PCDH7: variants seen among roughly 807,000 people sequenced by gnomAD.
PCDH7 encodes the protein protocadherin 7, also known as protocadherin-7.
PCDH7 carries 17 observed loss-of-function variants against 58.9 expected under a neutral mutation model. The observed-to-expected ratio is 0.29, with a 90% CI of 0.20 to 0.43. The LOEUF (loss-of-function observed/expected upper bound fraction) is 0.43, where lower values mean the gene tolerates loss of function less well. Ranked by LOEUF, PCDH7 falls within the 20% of genes least tolerant of loss-of-function variation. PCDH7 has a pLI of 1.00. For missense variants in PCDH7, 1,274 were observed against 1,441.0 expected, an observed-to-expected ratio of 0.88 and a Z score of 1.88; for synonymous variants, 664 against 616.4, an observed-to-expected ratio of 1.08 and a Z score of -1.14.
rs558968244 is a variant in PCDH7 at position 31,082,944 on chromosome 4, TA to T, written c.*8-59524del. Among the ~76,000 whole-genome samples the T allele has an allele frequency of 3.2e-3, 491 of 152,110 alleles. 2 individuals are homozygous for T. The highest frequency in any genetic ancestry group is 4.3e-3 in the Non-Finnish European group (289 of 67,976). ...TAACATGGTGAAACCCCGTCTCTAC[TA>T]AAAATACAAAAAATTAGCTGGGTGT... On this transcript the variant is annotated intron_variant, in intron 3 of 3. Coordinates refer to the PCDH7 transcript ENST00000509759.
intron 1 of PCDH7, among the ~76,000 whole-genome samples, chr4:30,899,307 A>C (rs757834090): frequency 6.6e-6 from 1 of 152,184 alleles, no homozygotes; most frequent in Non-Finnish European, 1.5e-5. Context: ...GCTGTATTCC[A>C]GGTTTTGAAG....
chr4:30,799,058 G>A (rs1332620979), intron 1 of PCDH7, among the ~76,000 whole-genome samples: 1 of 152,188 alleles, frequency 6.6e-6, no homozygotes, highest in Admixed American at 6.5e-5. Flanking sequence ...TTCTGTGACA[G>A]TGAAATTTTA....
intron 1 of PCDH7, among the ~76,000 whole-genome samples, chr4:30,805,972 A>G (rs768141150): frequency 2.0e-5 from 3 of 152,226 alleles, no homozygotes; most frequent in Non-Finnish European, 4.4e-5. Flanking sequence ...TTCAGATTTT[A>G]GAATATTGCA....
intron 3 of PCDH7, among the ~76,000 whole-genome samples, chr4:31,097,375 A>T (rs1485423741): frequency 6.6e-6 from 1 of 151,078 alleles, no homozygotes. Flanking sequence ...AATCTCTTGA[A>T]CCTGGAAGGT....
At chr4:30,865,009 C>T (rs943034579) in intron 1 of PCDH7, among the ~76,000 whole-genome samples, 1 of 151,960 alleles carries the variant, frequency 6.6e-6, no homozygotes, top group African/African-American at 2.4e-5. Context: ...TTTTAGAACA[C>T]TTGATTAAGA....
At position 30,723,674 on chromosome 4, in the gene PCDH7, C is replaced by A; in HGVS notation, c.2252C>A (p.Thr751Asn). The A allele has an allele frequency of 6.2e-7, 1 of 1,614,184 alleles. No homozygotes were observed. The highest frequency in any genetic ancestry group is 8.5e-7 in the Non-Finnish European group (1 of 1,180,038). ...ACCCTTCCCAAAAACATTTCCTACACTTTACTGCCACCTTCGAGTAATGTC... is the reference window on the plus strand; with the variant it reads ...ACCCTTCCCAAAAACATTTCCTACAATTTACTGCCACCTTCGAGTAATGTC... Residue 751 changes from threonine to asparagine, a missense_variant, in exon 1 of 2, where the codon ACT (threonine) becomes AAT (asparagine). By Grantham distance (65) the Thr-to-Asn change is moderately conservative (BLOSUM62 0). Transcript: ENST00000361762. The surrounding 1 kb of genome is among the most constrained non-coding windows in gnomAD (Gnocchi z 4.6).
At position 31,137,699 on chromosome 4, in the gene PCDH7, T is replaced by C. The variant is rs575436992; in HGVS notation, c.*8-4774T>C. On this transcript the variant is annotated intron_variant, in intron 3 of 3. Transcript: ENST00000509759. ...CCAGAGCTTGATGTTAATGAACAAA[T>C]TGGAGGAATGGTGTGGGCATCTGGG... is the stretch of plus-strand genomic sequence containing the variant. Among the ~76,000 whole-genome samples the C allele has an allele frequency of 4.6e-5, 7 of 152,280 alleles. No homozygotes were observed. The South Asian group carries it at 1.5e-3, about 32-fold the overall frequency.
intron 1 of PCDH7, among the ~76,000 whole-genome samples, chr4:30,911,231 C>T (rs181199278): frequency 2.6e-5 from 4 of 151,582 alleles, no homozygotes; most frequent in South Asian, 4.2e-4. Flanking sequence ...ATGGGTGCAG[C>T]GAACCACCAG....
chr4:30,857,113 A>G (rs543577299), intron 1 of PCDH7, among the ~76,000 whole-genome samples: 104 of 152,170 alleles, frequency 6.8e-4, no homozygotes, highest in African/African-American at 2.5e-3. Flanking sequence ...CACTGTCAAA[A>G]CACAACTTCT....
In PCDH7 at chr4:30,920,218, G is replaced by GAC; in HGVS notation, c.137_138insCA (p.Ser47ThrfsTer76). The GAC allele has an allele frequency of 7.3e-7, 1 of 1,367,782 alleles. No homozygotes were observed. The highest frequency in any genetic ancestry group is 9.8e-7 in the Non-Finnish European group (1 of 1,021,978). 84.7% of individuals were successfully genotyped at this position (1,367,782 alleles called of 1,614,324 possible). On this transcript the variant is annotated frameshift_variant, in exon 2 of 4. Transcript: ENST00000509759. LOFTEE classifies it high-confidence loss of function. ...AGGACCCACATCAGGGGTCACTGCA[G>GAC]AGTTGCTATGACAGCGGGCTGGAGG...
intron 1 of PCDH7, among the ~76,000 whole-genome samples, chr4:30,801,597 A>C (rs1015157394): frequency 3.8e-4 from 58 of 152,304 alleles, no homozygotes; most frequent in African/African-American, 1.3e-3. Context: ...ATATTACACA[A>C]ATTATCTTAT....
At chr4:31,129,358 G>C (rs1200455099) in intron 3 of PCDH7, among the ~76,000 whole-genome samples, 1 of 152,116 alleles carries the variant, frequency 6.6e-6, no homozygotes, top group Non-Finnish European at 1.5e-5. Flanking sequence ...GGACTCATGA[G>C]AGACAGATAA....
chr4:31,076,857 A>G (rs929779608), intron 3 of PCDH7, among the ~76,000 whole-genome samples: 7 of 152,192 alleles, frequency 4.6e-5, no homozygotes, highest in Non-Finnish European at 1.0e-4. Context: ...ATTCATGTCA[A>G]ACAAAATCTT....
chr4:30,914,909 T>C (rs1742239631), intron 1 of PCDH7, among the ~76,000 whole-genome samples: 1 of 152,206 alleles, frequency 6.6e-6, no homozygotes, highest in African/African-American at 2.4e-5. Context: ...CTTTTCTTGT[T>C]CTGTTATTTT....
At position 31,029,807 on chromosome 4, in the gene PCDH7, G is replaced by A. The variant is rs555155564; in HGVS notation, c.*7+79592G>A. 9.2e-5 allele frequency among the ~76,000 whole-genome samples: 14 copies of A among 152,190 alleles called. No individual in the cohort carries two copies. The South Asian group carries it at 2.7e-3, about 29-fold the overall frequency. ...TATGAAGCCCTTAGCTCTGGGTTGG[G>A]GTTCAGGCATAATAAAGTTCCTAAG... On this transcript the variant is annotated intron_variant, in intron 3 of 3. Coordinates refer to the PCDH7 transcript ENST00000509759.
intron 1 of PCDH7, among the ~76,000 whole-genome samples, chr4:30,894,060 A>T (rs1418627613): frequency 1.3e-5 from 2 of 152,132 alleles, no homozygotes; most frequent in African/African-American, 4.8e-5. Context: ...ATTTTCTGAT[A>T]ATAAATTATT....
At chr4:31,060,895 G>T (rs1757639732) in intron 3 of PCDH7, among the ~76,000 whole-genome samples, 1 of 151,492 alleles carries the variant, frequency 6.6e-6, no homozygotes. Context: ...ATCTATTTTT[G>T]CATTAAATTT....
chr4:30,746,885 G>A (rs1717848270), intron 1 of PCDH7, among the ~76,000 whole-genome samples: 1 of 151,888 alleles, frequency 6.6e-6, no homozygotes, highest in Non-Finnish European at 1.5e-5. Context: ...ACCATAAATA[G>A]GTTTTCCTTG....
At chr4:31,129,631 A>G (rs532549820) in intron 3 of PCDH7, among the ~76,000 whole-genome samples, 3 of 151,958 alleles carry the variant, frequency 2.0e-5, no homozygotes, top group South Asian at 2.1e-4. Context: ...AAATTTTGTT[A>G]TTATTATTAT....
Sources: gnomAD v4.1 joint callset for allele counts (sites outside exome capture counted in the v4.1 genomes callset) on GRCh38, gnomAD v4.1.1 for gene constraint, Gnocchi (gnomAD v3.1) non-coding constraint, MANE v1.5 for transcripts, NCBI Gene and HGNC (gene_info 2026-07-23, HGNC 2026-07-21) for gene names.